Variants in FKBP15 observed in about 807,000 individuals in gnomAD.
FKBP15 encodes the protein FK506-binding protein 15.
In FKBP15, 106 loss-of-function variants were observed where a neutral mutation model predicts 158.1. The observed-to-expected ratio is 0.67, with a 90% CI of 0.57 to 0.79. The LOEUF (loss-of-function observed/expected upper bound fraction) is 0.79, where lower values mean the gene tolerates loss of function less well. FKBP15 is among the 30% of genes least tolerant of loss of function. The pLI, the probability that FKBP15 is intolerant of heterozygous loss-of-function variation, is 0.00. For synonymous variants in FKBP15, 547 were observed against 548.6 expected (o/e 1.00, Z 0.04); for missense variants, 1,287 against 1,479.1 (o/e 0.87, Z 2.13).
chr9:113,216,819 T>C (rs979302660), intron 1 of FKBP15, among the ~76,000 whole-genome samples: 2 of 152,084 alleles, frequency 1.3e-5, no homozygotes, highest in African/African-American at 4.8e-5. Context: ...TTTCCATAGA[T>C]GTTCTAAAGA....
intron 1 of FKBP15, among the ~76,000 whole-genome samples, chr9:113,215,796 T>C (rs1355994184): frequency 6.6e-6 from 1 of 151,192 alleles, no homozygotes; most frequent in Non-Finnish European, 1.5e-5. Flanking sequence ...ATTACAGGCG[T>C]GCATCACCAT....
rs1351448891 is a variant in FKBP15, at chr9:113,165,625, A to G, written c.*453T>C. ...GATACATGTCCCAGGACTATAGGCC[A>G]GGCTGTTGACTGCACTGGGATTTAG... On this transcript the variant is annotated 3_prime_UTR_variant, in exon 28 of 28. Transcript: ENST00000238256. 6.4e-6 allele frequency: 1 copy of G among 155,244 alleles called. No homozygotes were observed. The highest frequency in any genetic ancestry group is 1.4e-5 in the Non-Finnish European group (1 of 69,858). The allele number at this position is 155,244 out of a possible 1,614,324, so 9.6% of individuals were successfully genotyped here.
intron 1 of FKBP15, among the ~76,000 whole-genome samples, chr9:113,216,378 T>C (rs1289402421): frequency 6.6e-6 from 1 of 152,244 alleles, no homozygotes; most frequent in African/African-American, 2.4e-5. Flanking sequence ...TTACCTTCTT[T>C]TCTCAAAGTA....
chr9:113,171,820 A>C, intron 23 of FKBP15, 114 bp from the exon 24 acceptor site: 1 of 849,138 alleles, frequency 1.2e-6, no homozygotes, highest in Non-Finnish European at 1.7e-6. Flanking sequence ...TTTGCATATA[A>C]TAAAAAGACA....
intron 23 of FKBP15, among the ~76,000 whole-genome samples, chr9:113,172,987 T>C (rs548202596): frequency 6.6e-6 from 1 of 152,304 alleles, no homozygotes; most frequent in East Asian, 1.9e-4. Flanking sequence ...CCAAAGCTAT[T>C]TGTCCTTCTT....
chr9:113,167,874 A>G (rs1830122423), intron 27 of FKBP15, among the ~76,000 whole-genome samples: 1 of 121,844 alleles, frequency 8.2e-6, no homozygotes, highest in Non-Finnish European at 1.9e-5. Context: ...CTGTGAAGCT[A>G]TGCTATTAAT....
intron 11 of FKBP15, among the ~76,000 whole-genome samples, chr9:113,193,247 G>A (rs1018561293): frequency 2.0e-5 from 3 of 152,108 alleles, no homozygotes; most frequent in Non-Finnish European, 4.4e-5. Context: ...ATTTAGCCTA[G>A]AAACTTTTTA....
intron 2 of FKBP15, among the ~76,000 whole-genome samples, chr9:113,210,818 C>T (rs139543963): frequency 6.6e-5 from 10 of 152,256 alleles, no homozygotes; most frequent in Admixed American, 2.0e-4. Flanking sequence ...CTGAGTCTTC[C>T]GACTTTCATC....
chr9:113,182,881 T>C lies in FKBP15; in HGVS notation c.1812-13A>G, dbSNP rs1239467997. On this transcript the variant is annotated splice_polypyrimidine_tract_variant and intron_variant, in intron 18 of 27. Coordinates refer to ENST00000238256, the MANE Select transcript of FKBP15 (RefSeq NM_015258.2). Reference sequence around the variant, plus strand: ...CTGCTCAACATACCTGTGAAAGAAATAGAGAAAAAGAAAACATTTATCAAG... The same window carrying C: ...CTGCTCAACATACCTGTGAAAGAAACAGAGAAAAAGAAAACATTTATCAAG... 6 of 1,607,512 alleles carry C rather than the reference T, an allele frequency of 3.7e-6. No homozygotes were observed. The highest frequency in any genetic ancestry group is 1.7e-5 in the Admixed American group (1 of 59,988).
At chr9:113,187,591 C>T (rs543600328) in intron 14 of FKBP15, 11 of 569,704 alleles carry the variant, frequency 1.9e-5, no homozygotes, top group South Asian at 4.2e-5. Context: ...CTTGTTCTTG[C>T]ATTTAATCTT....
intron 3 of FKBP15, chr9:113,206,872 G>A (rs749273862): frequency 2.8e-4 from 121 of 429,074 alleles, no homozygotes; most frequent in Middle Eastern, 2.5e-3. Context: ...GTGCGCCACC[G>A]CACCCGGCCC....
Position 113,186,431 on chromosome 9 carries a change from CT to C in FKBP15, c.1384-69del, listed in dbSNP as rs1830487725. 1.1e-5 allele frequency: 13 copies of C among 1,192,874 alleles called. No individual in the cohort carries two copies. The South Asian group carries it at 1.7e-4, about 16-fold the overall frequency. The allele number at this position is 1,192,874 out of a possible 1,614,324, so 73.9% of individuals were successfully genotyped here. On this transcript the variant is annotated intron_variant, in intron 14 of 27. Coordinates refer to ENST00000238256, the MANE Select transcript of FKBP15 (RefSeq NM_015258.2). Reference sequence around the variant, plus strand: ...GTCTTTCTTTTTTGTTCACATTTTTCTTTGGTGGAATAAAGTGGATGAGCTG... The same window carrying C: ...GTCTTTCTTTTTTGTTCACATTTTTCTTGGTGGAATAAAGTGGATGAGCTG...
intron 10 of FKBP15, 49 bp from the exon 11 acceptor site, chr9:113,193,598 C>T (rs775150222): frequency 1.0e-4 from 149 of 1,470,780 alleles, no homozygotes; most frequent in Non-Finnish European, 1.3e-4. Context: ...AATCCAGAAT[C>T]ACAAGTCCAA....
intron 19 of FKBP15, among the ~76,000 whole-genome samples, chr9:113,182,238 A>G (rs751471408): frequency 3.9e-5 from 6 of 152,210 alleles, no homozygotes; most frequent in Non-Finnish European, 4.4e-5. Context: ...GAAGGAATCC[A>G]TTCAGGATAA....
intron 14 of FKBP15, 43 bp from the exon 15 acceptor site, chr9:113,186,406 G>A (rs1830487385): frequency 3.7e-6 from 5 of 1,359,376 alleles, no homozygotes; most frequent in Non-Finnish European, 5.1e-6. Context: ...AAACATTCAT[G>A]TCTTTCTTTT....
At chr9:113,208,998 C>G (rs1830949565) in intron 2 of FKBP15, among the ~76,000 whole-genome samples, 1 of 123,516 alleles carries the variant, frequency 8.1e-6, no homozygotes, top group East Asian at 2.1e-4. Context: ...CAGAGCGAGA[C>G]TCCATCTCAA....
intron 1 of FKBP15, among the ~76,000 whole-genome samples, chr9:113,215,554 ATG>A (rs976439603): frequency 1.3e-5 from 2 of 149,598 alleles, no homozygotes; most frequent in African/African-American, 2.5e-5. Context: ...CAGAGGATAT[ATG>A]TGTGTGTATA....
chr9:113,192,665 TAAC>T (rs1830598530), intron 11 of FKBP15, among the ~76,000 whole-genome samples: 1 of 152,132 alleles, frequency 6.6e-6, no homozygotes, highest in Non-Finnish European at 1.5e-5. Context: ...CTTATGATAA[TAAC>T]AAGAGCTAAT....
In FKBP15 at chr9:113,162,885, T is replaced by A. The variant is rs777566073; in HGVS notation, c.*3193A>T. ...GGTCTTGGGCTCTGCTGTGGGCTACTACCTAGCTTACCCACTTCTCAGCAC... is the reference window on the plus strand; with the variant it reads ...GGTCTTGGGCTCTGCTGTGGGCTACAACCTAGCTTACCCACTTCTCAGCAC... On this transcript the variant is annotated 3_prime_UTR_variant, in exon 28 of 28. Coordinates refer to ENST00000238256, the MANE Select transcript of FKBP15 (RefSeq NM_015258.2). 2.5e-6 allele frequency: 4 copies of A among 1,612,586 alleles called. No homozygotes were observed. The highest frequency in any genetic ancestry group is 3.4e-6 in the Non-Finnish European group (4 of 1,179,546).
Sources: allele counts gnomAD v4.1 joint callset (sites outside exome capture counted in the v4.1 genomes callset), GRCh38; gene constraint gnomAD v4.1.1; transcripts MANE v1.5; gene names NCBI Gene and HGNC (gene_info 2026-07-23, HGNC 2026-07-21).